The following NSD2 variants were observed in gnomAD, a reference collection of about 807,000 sequenced individuals.
NSD2 encodes nuclear receptor binding SET domain protein 2.
NSD2 carries 12 observed loss-of-function variants against 139.0 expected under a neutral mutation model. That is an observed-to-expected ratio of 0.09 (90% CI 0.06 to 0.14). NSD2 has a LOEUF of 0.14. Among genes scored for constraint, NSD2 ranks in the 10% least tolerant of loss-of-function variants. The pLI, the probability that NSD2 is intolerant of heterozygous loss-of-function variation, is 1.00. For synonymous variants in NSD2, 669 were observed against 648.7 expected, an observed-to-expected ratio of 1.03 and a Z score of -0.48; for missense variants, 1,155 against 1,745.0, an observed-to-expected ratio of 0.66 and a Z score of 6.02.
intron 11 of NSD2, chr4:1,953,058 T>C: frequency 6.9e-7 from 1 of 1,455,966 alleles, no homozygotes; most frequent in East Asian, 2.5e-5. Context: ...CCAGTTAGAC[T>C]GGGCCTCCCC....
chr4:1,946,471 A>G (rs1255438292), intron 9 of NSD2: 1 of 677,120 alleles, frequency 1.5e-6, no homozygotes, highest in Non-Finnish European at 1.8e-6. Flanking sequence ...GGGTTTCGCC[A>G]TATTGGCCAG....
intron 5 of NSD2, among the ~76,000 whole-genome samples, chr4:1,921,548 G>A: frequency 6.6e-6 from 1 of 151,960 alleles, no homozygotes. Flanking sequence ...TTGGGAGGCT[G>A]AGACAGGTGG....
At chr4:1,879,563 A>G (rs1174824961) in intron 1 of NSD2, among the ~76,000 whole-genome samples, 2 of 151,098 alleles carry the variant, frequency 1.3e-5, no homozygotes, top group Non-Finnish European at 3.0e-5. Flanking sequence ...TTCCTCTGTG[A>G]CTCTGGCCAG....
chr4:1,943,719 A>G, intron 9 of NSD2: 4 of 1,055,206 alleles, frequency 3.8e-6, no homozygotes, highest in Non-Finnish European at 3.4e-6. Context: ...AGTAAAATTA[A>G]AATTCTCAAA....
intron 6 of NSD2, among the ~76,000 whole-genome samples, chr4:1,933,200 T>C (rs1161091203): frequency 1.3e-5 from 2 of 152,202 alleles, no homozygotes; most frequent in African/African-American, 2.4e-5. Flanking sequence ...CGCATTGGGC[T>C]CAGGCCTAGA....
At chr4:1,944,288 C>T (rs1303000559) in intron 9 of NSD2, 10 of 1,066,196 alleles carry the variant, frequency 9.4e-6, no homozygotes, top group African/African-American at 4.9e-5. Flanking sequence ...GGAAACGGCT[C>T]TTGTTTGAAA....
At chr4:1,916,589 G>T (rs1375547368) in intron 3 of NSD2, among the ~76,000 whole-genome samples, 9 of 152,196 alleles carry the variant, frequency 5.9e-5, no homozygotes, top group Admixed American at 5.9e-4. Flanking sequence ...CAATCTCCCT[G>T]CCTCGGCCTC....
chr4:1,935,170 C>G lies in NSD2; in HGVS notation c.1582C>G (p.His528Asp). 1 of 1,610,836 alleles carries G rather than the reference C, an allele frequency of 6.2e-7. No homozygotes were observed. The change falls in exon 7 of 22, where the codon CAC becomes GAC. Residue 528 changes from histidine (H) to aspartate (D), a missense_variant. His to Asp is a moderately conservative substitution (Grantham distance 81). Around this residue, in one of 8 missense-constraint regions of NSD2, gnomAD observed 420 missense variants for 469.0 expected, o/e 0.90. Transcript: ENST00000508803. ...TAATGTAAATGGGAAAAAAAGAAAC[C>G]ACACAAAGAGGATACAGGACCCTAC... ...SGNVNGKKRN[H>D]TKRIQDPTED... is the part of the protein sequence containing the mutation.
At chr4:1,957,840 T>C in intron 15 of NSD2, 93 bp from the exon 16 acceptor site, 1 of 1,192,062 alleles carries the variant, frequency 8.4e-7, no homozygotes, top group Non-Finnish European at 1.2e-6. Context: ...TACTTAACAT[T>C]GAAAGTTTAG....
chr4:1,950,923 G>A, intron 9 of NSD2, 149 bp from the exon 10 acceptor site: 4 of 1,077,788 alleles, frequency 3.7e-6, no homozygotes, highest in Admixed American at 2.4e-5. Context: ...GTTGATGATG[G>A]TTCCACTGTG....
chr4:1,946,789 G>A (rs1337250421), intron 9 of NSD2: 2 of 1,052,972 alleles, frequency 1.9e-6, no homozygotes, highest in Admixed American at 5.5e-5. Context: ...TGAGCAAGGA[G>A]CATGCTTCCT....
chr4:1,941,363 G>A, intron 9 of NSD2: 1 of 1,051,622 alleles, frequency 9.5e-7, no homozygotes, highest in South Asian at 4.6e-5. Context: ...GGAGCCTGCT[G>A]AGATCTTCTC....
chr4:1,872,591 T>TGTGTGTGTGTGAGA (rs1281608141), intron 1 of NSD2, among the ~76,000 whole-genome samples: 2 of 44,894 alleles, frequency 4.5e-5, no homozygotes, highest in East Asian at 1.3e-3. Context: ...TGTGTGTGTG[T>TGTGTGTGTGTGAGA]GAGAGAGAGA....
chr4:1,964,540 A>G (rs1294133663), intron 18 of NSD2, among the ~76,000 whole-genome samples: 1 of 152,174 alleles, frequency 6.6e-6, no homozygotes, highest in East Asian at 1.9e-4. Flanking sequence ...GGTGAGCAAG[A>G]AGGATCCTTT....
At chr4:1,922,167 T>C (rs1720230015) in intron 5 of NSD2, among the ~76,000 whole-genome samples, 1 of 152,162 alleles carries the variant, frequency 6.6e-6, no homozygotes, top group Non-Finnish European at 1.5e-5. Flanking sequence ...CTAGCCAGTA[T>C]TATAAAGGAA....
At chr4:1,886,817 G>A (rs564889979) in intron 1 of NSD2, among the ~76,000 whole-genome samples, 3 of 151,832 alleles carry the variant, frequency 2.0e-5, no homozygotes, top group Admixed American at 6.6e-5. Context: ...TGAGCCTTGG[G>A]ACAGAGCGAG....
chr4:1,898,658 T>TAAAAAAAA (rs967880779), intron 1 of NSD2, among the ~76,000 whole-genome samples: 1 of 119,308 alleles, frequency 8.4e-6, no homozygotes, highest in African/African-American at 3.1e-5. Flanking sequence ...AGACTCCGTC[T>TAAAAAAAA]AAAAAAAAAA....
chr4:1,955,021 C>CT lies in NSD2; in HGVS notation c.2339-133dup. On this transcript the variant is annotated intron_variant, in intron 12 of 21. Transcript: ENST00000508803. This position sits in a 1 kb window ranked among gnomAD's most constrained non-coding sequence, Gnocchi z 4.7. Reference sequence around the variant, plus strand: ...TTTTGAAGCACCTTTGCTCTGAAAGCTTTTTTTAAATCAAATACCTCCATT... The same window carrying CT: ...TTTTGAAGCACCTTTGCTCTGAAAGCTTTTTTTTAAATCAAATACCTCCATT... 6 of 1,014,792 alleles carry CT rather than the reference C, an allele frequency of 5.9e-6. No homozygotes were observed. The highest frequency in any genetic ancestry group is 2.6e-5 in the East Asian group (1 of 37,878). The allele number at this position is 1,014,792 out of a possible 1,614,324, so 62.9% of individuals were successfully genotyped here. A position where few individuals can be genotyped will look rare whatever the true frequency, so the allele number is the denominator to read the frequency against.
rs1723885223 is a variant in NSD2, at chr4:1,948,594, C to T, written c.1882-2478C>T. ...AAGTCGGAATCTCTGCAATCTGTGT[C>T]ATGGACTGTACTATTGTAAGGTCTA... On this transcript the variant is annotated intron_variant, in intron 9 of 21. Coordinates refer to ENST00000508803, the MANE Select transcript of NSD2 (RefSeq NM_001042424.3). This position sits in a 1 kb window ranked among gnomAD's most constrained non-coding sequence, Gnocchi z 4.5. 8 of 1,063,580 alleles carry T rather than the reference C, an allele frequency of 7.5e-6. No homozygotes were observed. Among genetic ancestry groups the T allele is most frequent in the Non-Finnish European group, 9.1e-6 (8 of 877,376 alleles). 65.9% of individuals were successfully genotyped at this position (1,063,580 alleles called of 1,614,324 possible).
Sources: gnomAD v4.1 joint callset for allele counts (sites outside exome capture counted in the v4.1 genomes callset) on GRCh38, gnomAD v4.1.1 for gene constraint, gnomAD v4.1.1 regional missense constraint, Gnocchi (gnomAD v3.1) non-coding constraint, MANE v1.5 for transcripts, NCBI Gene and HGNC (gene_info 2026-07-23, HGNC 2026-07-21) for gene names.